Variants in FREM2 observed in about 807,000 individuals in gnomAD.
FREM2 encodes the protein FRAS1 related extracellular matrix 2, also known as FRAS1-related extracellular matrix protein 2.
FREM2 carries 119 observed loss-of-function variants against 219.9 expected under a neutral mutation model. The observed-to-expected ratio is 0.54, with a 90% confidence interval of 0.47 to 0.63. The LOEUF (loss-of-function observed/expected upper bound fraction) is 0.63, where lower values mean the gene tolerates loss of function less well. Among genes scored for constraint, FREM2 ranks in the 30% least tolerant of loss-of-function variants. The probability of loss-of-function intolerance (pLI) is 0.00; values close to 1 mark genes in which losing one functional copy is unlikely to be tolerated. For missense variants in FREM2, 4,030 were observed against 3,993.6 expected (o/e 1.01, Z -0.25); for synonymous variants, 1,562 against 1,522.8 (o/e 1.03, Z -0.60).
At chr13:38,842,331 G>A (rs1876992159) in intron 6 of FREM2, among the ~76,000 whole-genome samples, 1 of 152,140 alleles carries the variant, frequency 6.6e-6, no homozygotes, top group East Asian at 1.9e-4. Context: ...TAAGAGCCTG[G>A]TTAAGTGGTT....
chr13:38,754,812 A>C (rs1872916059), intron 2 of FREM2, among the ~76,000 whole-genome samples: 1 of 151,726 alleles, frequency 6.6e-6, no homozygotes, highest in African/African-American at 2.4e-5. Context: ...CAATGCCTAT[A>C]TTATGCCAGT....
intron 6 of FREM2, among the ~76,000 whole-genome samples, chr13:38,827,144 T>G (rs759282701): frequency 3.9e-5 from 6 of 152,276 alleles, no homozygotes; most frequent in Non-Finnish European, 7.4e-5. Flanking sequence ...ATTTTGTATG[T>G]GAGTACCTTA....
intron 6 of FREM2, among the ~76,000 whole-genome samples, chr13:38,794,685 GT>G (rs1286980118): frequency 6.6e-6 from 1 of 151,596 alleles, no homozygotes; most frequent in Non-Finnish European, 1.5e-5. Context: ...ATATCTTGAT[GT>G]TTTATCTGTC....
At chr13:38,770,500 C>T (rs1326972389) in intron 4 of FREM2, among the ~76,000 whole-genome samples, 1 of 151,980 alleles carries the variant, frequency 6.6e-6, no homozygotes, top group Non-Finnish European at 1.5e-5. Context: ...CTTTAAATGT[C>T]TTAACATATC....
chr13:38,793,231 T>C (rs139676369), intron 6 of FREM2, among the ~76,000 whole-genome samples: 2 of 152,146 alleles, frequency 1.3e-5, no homozygotes, highest in African/African-American at 4.8e-5. Context: ...TTCCAGACTT[T>C]GGGGGTACAC....
chr13:38,841,664 C>T (rs1456525399), intron 6 of FREM2, among the ~76,000 whole-genome samples: 1 of 152,134 alleles, frequency 6.6e-6, no homozygotes, highest in African/African-American at 2.4e-5. Context: ...AGTCCTTTTA[C>T]TGCAAAGAAA....
At chr13:38,753,162 A>G (rs559376319) in intron 2 of FREM2, among the ~76,000 whole-genome samples, 1 of 152,312 alleles carries the variant, frequency 6.6e-6, no homozygotes, top group East Asian at 1.9e-4. Flanking sequence ...CTATAACAAT[A>G]TAGTATTTAA....
At chr13:38,739,918 C>T (rs1019198053) in intron 2 of FREM2, among the ~76,000 whole-genome samples, 7 of 152,186 alleles carry the variant, frequency 4.6e-5, no homozygotes, top group Non-Finnish European at 8.8e-5. Flanking sequence ...CTCACATTTA[C>T]ATACATAGCT....
rs1241322418 is a variant in FREM2, at chr13:38,697,738, A to G, written c.5214A>G (p.Glu1738=). ...DDMKICYVLR[E]GANATSDMFY... ...TGAAAATATGCTATGTCTTAAGAGA[A>G]GGGGCTAATGCCACAAGTGATATGT... The change falls in exon 2 of 24, where the codon GAA becomes GAG. Residue 1738 remains glutamate (E), a synonymous_variant. Transcript: ENST00000280481. 3 of 1,610,262 alleles carry G rather than the reference A, an allele frequency of 1.9e-6. No individual in the cohort carries two copies. The highest frequency in any genetic ancestry group is 2.7e-5 in the African/African-American group (2 of 74,868).
At chr13:38,864,650 T>C (rs370501891) in intron 16 of FREM2, 44 bp downstream of exon 16, 10 of 1,538,736 alleles carry the variant, frequency 6.5e-6, no homozygotes, top group African/African-American at 2.7e-5. Flanking sequence ...GATAAACCAA[T>C]TGGTTTGTTT....
In FREM2 at chr13:38,687,772, C is replaced by G; in HGVS notation, c.428C>G (p.Ala143Gly). 1.3e-6 allele frequency: 2 copies of G among 1,538,028 alleles called. No homozygotes were observed. The highest frequency in any genetic ancestry group is 1.7e-4 in the Middle Eastern group (1 of 5,726). ...GAGGTGCGCTACTCTCACCTGGGCG[C>G]GCGCAGCCCGTCTCGGGACCGCGTC... The part of the protein sequence containing the change: ...PGEVRYSHLG[A>G]RSPSRDRVRL... The change falls in exon 1 of 24, where the codon GCG becomes GGG. Residue 143 changes from alanine (A) to glycine (G), a missense_variant. Ala to Gly is a moderately conservative substitution (Grantham distance 60, BLOSUM62 0). Around this residue, in one of 2 missense-constraint regions of FREM2, gnomAD observed 3,102 missense variants for 2,950.7 expected, o/e 1.05. Coordinates refer to ENST00000280481, the MANE Select transcript of FREM2 (RefSeq NM_207361.6).
chr13:38,693,395 T>C (rs1004535004), intron 1 of FREM2, among the ~76,000 whole-genome samples: 2 of 152,250 alleles, frequency 1.3e-5, no homozygotes, highest in African/African-American at 4.8e-5. Context: ...CTGCGGTCTT[T>C]AGGCAACAGG....
chr13:38,782,403 T>A (rs111608101), intron 4 of FREM2, among the ~76,000 whole-genome samples: 26 of 152,304 alleles, frequency 1.7e-4, no homozygotes, highest in African/African-American at 5.5e-4. Flanking sequence ...AAAGAATCAT[T>A]GGTAATATTG....
Position 38,691,566 on chromosome 13 carries a change from C to A in FREM2, c.4222C>A (p.Arg1408Ser), listed in dbSNP as rs555072822. The A allele has an allele frequency of 8.1e-6, 13 of 1,614,114 alleles. No individual in the cohort carries two copies. The highest frequency in any genetic ancestry group is 1.1e-5 in the South Asian group (1 of 91,052). ...VTDGINPLID[R>S]YFYVSIGSID... ...TGATGGAATAAATCCCCTCATAGAT[C>A]GTTACTTTTATGTGTCCATCGGGAG... Residue 1408 changes from arginine (R) to serine (S), a missense_variant, in exon 1 of 24, where the codon CGT becomes AGT. By Grantham distance (110) the Arg-to-Ser change is moderately radical. Coordinates refer to ENST00000280481, the MANE Select transcript of FREM2 (RefSeq NM_207361.6).
intron 2 of FREM2, among the ~76,000 whole-genome samples, chr13:38,757,410 T>C (rs895429002): frequency 7.2e-5 from 11 of 152,214 alleles, no homozygotes; most frequent in African/African-American, 2.7e-4. Context: ...CAATTCAGTG[T>C]AGTTTGTGTG....
At position 38,862,555 on chromosome 13, in the gene FREM2, C is replaced by A. The variant is rs1234076609; in HGVS notation, c.7651+993C>A. Among the ~76,000 whole-genome samples the A allele has an allele frequency of 3.3e-5, 5 of 152,196 alleles. No individual in the cohort carries two copies. The East Asian group carries it at 9.6e-4, about 29-fold the overall frequency. ...GAATGCACTGTTCAATGTTCAATAGCCACAGTTCTGCCAGAAGTGTAGTTG... is the reference window on the plus strand; with the variant it reads ...GAATGCACTGTTCAATGTTCAATAGACACAGTTCTGCCAGAAGTGTAGTTG... On this transcript the variant is annotated intron_variant, in intron 15 of 23. Transcript: ENST00000280481.
chr13:38,722,312 G>A (rs1004522267), intron 2 of FREM2, among the ~76,000 whole-genome samples: 17 of 151,888 alleles, frequency 1.1e-4, no homozygotes, highest in Non-Finnish European at 8.8e-5. Context: ...CTCCTGCCTC[G>A]GCCTCCCAAA....
Position 38,880,517 on chromosome 13 carries a change from G to A in FREM2, c.9240G>A (p.Leu3080=), listed in dbSNP as rs759025860. The change falls in exon 24 of 24, where the codon CTG becomes CTA. Residue 3080 remains leucine, a synonymous_variant. Coordinates refer to ENST00000280481, the MANE Select transcript of FREM2 (RefSeq NM_207361.6). ...SRGTNIQHIA[L]DRTKRQIPHG... is the part of the protein sequence containing the mutation. Reference sequence around the variant, plus strand: ...GAACAAACATCCAGCACATTGCCCTGGACCGCACCAAGAGGCAGATCCCCC... The same window carrying A: ...GAACAAACATCCAGCACATTGCCCTAGACCGCACCAAGAGGCAGATCCCCC... The A allele has an allele frequency of 3.1e-6, 5 of 1,613,974 alleles. No individual in the cohort carries two copies. Among genetic ancestry groups the A allele is most frequent in the Admixed American group, 3.3e-5 (2 of 59,988 alleles).
chr13:38,713,106 T>C (rs1870847030), intron 2 of FREM2, among the ~76,000 whole-genome samples: 1 of 152,236 alleles, frequency 6.6e-6, no homozygotes, highest in South Asian at 2.1e-4. Context: ...TAGCCTGAGT[T>C]ACTGAATTAT....
Sources: allele counts gnomAD v4.1 joint callset (sites outside exome capture counted in the v4.1 genomes callset), GRCh38; gene constraint gnomAD v4.1.1; regional missense constraint gnomAD v4.1.1; transcripts MANE v1.5; gene names NCBI Gene and HGNC (gene_info 2026-07-23, HGNC 2026-07-21).